The following SMIM23 variants were observed in gnomAD, a reference collection of about 807,000 sequenced individuals.
SMIM23 encodes small integral membrane protein 23.
In SMIM23, 10 loss-of-function variants were observed where a neutral mutation model predicts 12.8. The ratio of observed to expected loss-of-function variants is 0.78; its 90% confidence interval spans 0.48 to 1.32. SMIM23 has a LOEUF of 1.32. Among genes scored for constraint, SMIM23 ranks in the 40% most tolerant of loss-of-function variants. The pLI is 0.00. For synonymous variants in SMIM23, 78 were observed against 80.1 expected (o/e 0.97, Z 0.14); for missense variants, 184 against 198.2 (o/e 0.93, Z 0.43).
chr5:171,787,462 T>C (rs1755839771), intron 1 of SMIM23, among the ~76,000 whole-genome samples: 1 of 152,182 alleles, frequency 6.6e-6, no homozygotes, highest in Admixed American at 6.5e-5. Flanking sequence ...TTTGCCTCCA[T>C]GCAGCACAGT....
chr5:171,789,978 T>G (rs780106088), intron 1 of SMIM23, among the ~76,000 whole-genome samples: 2 of 152,242 alleles, frequency 1.3e-5, no homozygotes, highest in Non-Finnish European at 2.9e-5. Flanking sequence ...CTTTTCAAGA[T>G]CAATTAAAAT....
the SMIM23 span, among the ~76,000 whole-genome samples, chr5:171,776,955 T>G: frequency 6.6e-6 from 1 of 152,232 alleles, no homozygotes; most frequent in African/African-American, 2.4e-5. Context: ...CGTTGATTCA[T>G]TTGTCTGCAG....
the SMIM23 span, among the ~76,000 whole-genome samples, chr5:171,776,920 G>T: frequency 6.6e-6 from 1 of 152,168 alleles, no homozygotes; most frequent in African/African-American, 2.4e-5. Flanking sequence ...GGGCCCAGGT[G>T]CCTGAGGAAT....
At chr5:171,788,676 C>G (rs1432157072) in intron 1 of SMIM23, among the ~76,000 whole-genome samples, 1 of 152,138 alleles carries the variant, frequency 6.6e-6, no homozygotes, top group Non-Finnish European at 1.5e-5. Context: ...GTCTTAATAA[C>G]TACAGGCCCA....
chr5:171,790,197 G>A, intron 1 of SMIM23, 33 bp from the exon 2 acceptor site: 5 of 1,534,296 alleles, frequency 3.3e-6, no homozygotes, highest in South Asian at 2.4e-5. Flanking sequence ...TCATCCTCAT[G>A]TTCTTCCTCC....
the SMIM23 span, chr5:171,773,944 G>A: frequency 2.4e-6 from 1 of 422,062 alleles, no homozygotes; most frequent in South Asian, 1.7e-5. Context: ...TGGGGCTCAT[G>A]CCAGGCCTTG....
intron 1 of SMIM23, 84 bp from the exon 2 acceptor site, chr5:171,790,146 T>A (rs1231320202): frequency 3.7e-6 from 5 of 1,341,198 alleles, no homozygotes; most frequent in African/African-American, 1.5e-5. Context: ...CATTCCCATG[T>A]CTGGCCCTTT....
At chr5:171,776,733 TA>T in the SMIM23 span, among the ~76,000 whole-genome samples, 1 of 152,202 alleles carries the variant, frequency 6.6e-6, no homozygotes, top group Non-Finnish European at 1.5e-5. Context: ...TAATTTTCCA[TA>T]AGAGTCTTGG....
intron 1 of SMIM23, among the ~76,000 whole-genome samples, chr5:171,786,892 C>T (rs1299603569): frequency 6.6e-6 from 1 of 151,922 alleles, no homozygotes; most frequent in African/African-American, 2.4e-5. Flanking sequence ...TGAAGACTGA[C>T]GCTGCTCATT....
chr5:171,774,508 T>C, the SMIM23 span: 1 of 456,248 alleles, frequency 2.2e-6, no homozygotes, highest in Non-Finnish European at 4.4e-6. Flanking sequence ...GAGGGGATCC[T>C]GGATTTCAGC....
chr5:171,773,875 G>A, the SMIM23 span: 1 of 456,154 alleles, frequency 2.2e-6, no homozygotes, highest in Non-Finnish European at 4.4e-6. Flanking sequence ...TTAAACATCT[G>A]TCTGCAGTCC....
At chr5:171,780,060 T>C (rs902299063), upstream of SMIM23, among the ~76,000 whole-genome samples, 5 of 152,104 alleles carry the variant, frequency 3.3e-5, no homozygotes, top group African/African-American at 1.2e-4. Flanking sequence ...GATACCAGGA[T>C]TTGAACCCAG....
Position 171,790,547 on chromosome 5 carries a change from C to T in SMIM23, c.223C>T (p.Gln75Ter). The T allele has an allele frequency of 6.5e-7, 1 of 1,536,616 alleles. No homozygotes were observed. Among genetic ancestry groups the T allele is most frequent in the Non-Finnish European group, 8.7e-7 (1 of 1,146,974 alleles). ...CNYYQNLAVP[Q>*]GLEYQTNEPS... Reference sequence around the variant, plus strand: ...CTACTACCAGAATCTTGCAGTTCCCCAGGTAACATGTCCAGCAAGGTACTG... The same window carrying T: ...CTACTACCAGAATCTTGCAGTTCCCTAGGTAACATGTCCAGCAAGGTACTG... Residue 75 changes from glutamine to a stop codon, truncating the protein, a stop_gained and splice_region_variant, in exon 3 of 4, where the codon CAG becomes TAG. Transcript: ENST00000523047. LOFTEE classifies it low-confidence loss of function (END_TRUNC).
upstream of SMIM23, among the ~76,000 whole-genome samples, chr5:171,777,978 A>T (rs1263722445): frequency 6.6e-6 from 1 of 152,178 alleles, no homozygotes; most frequent in Non-Finnish European, 1.5e-5. Flanking sequence ...CCCAAGAGAT[A>T]CTCACATCCT....
chr5:171,782,048 A>G (rs1052702860), upstream of SMIM23, among the ~76,000 whole-genome samples: 29 of 152,238 alleles, frequency 1.9e-4, no homozygotes, highest in Non-Finnish European at 4.3e-4. Flanking sequence ...CAACCTGCTT[A>G]GGTACCTTTC....
At chr5:171,779,378 A>G (rs542533222), upstream of SMIM23, among the ~76,000 whole-genome samples, 1 of 152,312 alleles carries the variant, frequency 6.6e-6, no homozygotes, top group African/African-American at 2.4e-5. Context: ...ACTGTTCAGT[A>G]CCTGTATGCA....
At chr5:171,774,070 G>A in the SMIM23 span, 15 of 355,186 alleles carry the variant, frequency 4.2e-5, no homozygotes, top group Middle Eastern at 8.6e-4. Flanking sequence ...GTCTGACAAA[G>A]AGAAAAAAAA....
upstream of SMIM23, chr5:171,785,807 G>A (rs1339476833): frequency 8.4e-6 from 11 of 1,305,816 alleles, no homozygotes; most frequent in Non-Finnish European, 1.2e-5. Context: ...ACCACAGGTG[G>A]GGGAGGGGAA....
rs1261446518 is a variant in SMIM23, at chr5:171,790,498, G to A, written c.174G>A (p.Val58=). The change falls in exon 3 of 4, where the codon GTG becomes GTA. Residue 58 remains valine (V), a synonymous_variant. Coordinates refer to ENST00000523047, the MANE Select transcript of SMIM23 (RefSeq NM_001289970.2). ...STEIWGSSWE[V]SERIRECNYY... ...CTGTTTCAGGAAGCAGTTGGGAGGT[G>A]TCAGAAAGGATCAGAGAATGTAACT... The A allele has an allele frequency of 2.0e-6, 3 of 1,536,758 alleles. No individual in the cohort carries two copies. Among genetic ancestry groups the A allele is most frequent in the East Asian group, 2.4e-5 (1 of 40,928 alleles).
Sources: allele counts gnomAD v4.1 joint callset (sites outside exome capture counted in the v4.1 genomes callset), GRCh38; gene constraint gnomAD v4.1.1; transcripts MANE v1.5; gene names NCBI Gene and HGNC (gene_info 2026-07-23, HGNC 2026-07-21).